NUDT6: variants seen among roughly 807,000 people sequenced by gnomAD.
NUDT6 encodes the protein FAD diphosphatase NUDT6.
Under a neutral mutation model 36.8 loss-of-function variants are expected in NUDT6, and 24 were observed. That is an observed-to-expected ratio of 0.65 (90% CI 0.47 to 0.92). The LOEUF (loss-of-function observed/expected upper bound fraction) is 0.92, where lower values mean the gene tolerates loss of function less well. Among genes scored for constraint, NUDT6 ranks in the 40% least tolerant of loss-of-function variants. The probability of loss-of-function intolerance (pLI) is 0.00; values close to 1 mark genes in which losing one functional copy is unlikely to be tolerated. For missense variants in NUDT6, 388 were observed against 392.8 expected (o/e 0.99, Z 0.10); for synonymous variants, 163 against 157.0 (o/e 1.04, Z -0.29).
chr4:122,894,387 T>A (rs1311806434), intron 4 of NUDT6: 1 of 152,262 alleles, frequency 6.6e-6, no homozygotes, highest in Non-Finnish European at 1.5e-5. Flanking sequence ...GCCCAGGAGT[T>A]CAAGACCAAC....
intron 3 of NUDT6, among the ~76,000 whole-genome samples, chr4:122,906,571 C>A (rs1037482623): frequency 2.6e-5 from 4 of 152,110 alleles, no homozygotes; most frequent in African/African-American, 7.2e-5. Context: ...CCTAGTAAGA[C>A]ATCTAGGTGC....
chr4:122,913,354 A>G (rs1385667126), intron 2 of NUDT6: 1 of 152,176 alleles, frequency 6.6e-6, no homozygotes, highest in Non-Finnish European at 1.5e-5. Context: ...TCATAAGGAC[A>G]CTAATCCCAT....
At position 122,916,368 on chromosome 4, in the gene NUDT6, G is replaced by A. The variant is rs551537639; in HGVS notation, c.442+1133C>T. Among the ~76,000 whole-genome samples, 23 of 152,226 alleles carry A rather than the reference G, an allele frequency of 1.5e-4. No homozygotes were observed. In the East Asian group the frequency reaches 2.5e-3, roughly 17 times the overall value. On this transcript the variant is annotated intron_variant, in intron 2 of 4. Transcript: ENST00000304430. Reference sequence around the variant, plus strand: ...ATTCTACTCTACACTTAAATTACACGATTTTAAACAACTGTTTGGCACAAT... The same window carrying A: ...ATTCTACTCTACACTTAAATTACACAATTTTAAACAACTGTTTGGCACAAT...
At position 122,904,015 on chromosome 4, in the gene NUDT6, C is replaced by T. The variant is rs537034729; in HGVS notation, c.499-6337G>A. 3.3e-5 allele frequency among the ~76,000 whole-genome samples: 5 copies of T among 152,274 alleles called. No individual in the cohort carries two copies. The South Asian group carries it at 1.0e-3, about 32-fold the overall frequency. On this transcript the variant is annotated intron_variant, in intron 3 of 4. Coordinates refer to ENST00000304430, the MANE Select transcript of NUDT6 (RefSeq NM_007083.5). ...ACCCACCAGAATGGCATAATGATGACTCTAAACTGAAGATATTTAAGATAC... is the reference window on the plus strand; with the variant it reads ...ACCCACCAGAATGGCATAATGATGATTCTAAACTGAAGATATTTAAGATAC...
chr4:122,897,440 T>A, intron 4 of NUDT6, 184 bp downstream of exon 4: 1 of 612,768 alleles, frequency 1.6e-6, no homozygotes, highest in Non-Finnish European at 2.9e-6. Context: ...ACTAATGGAA[T>A]AAACTGTAAT....
intron 3 of NUDT6, among the ~76,000 whole-genome samples, chr4:122,898,918 C>T (rs973203722): frequency 1.3e-5 from 2 of 152,056 alleles, no homozygotes; most frequent in African/African-American, 4.8e-5. Context: ...TCTCATTCTG[C>T]TGGCCAGCCT....
Position 122,922,397 on chromosome 4 carries a change from C to T in NUDT6, c.176G>A (p.Arg59His), listed in dbSNP as rs558322912. ...GTCCAGCGCATCGAGCCGCGCCAGG[C>T]GCACCGAGATGCCCCCGAATCTGTC... is the stretch of plus-strand genomic sequence containing the variant. ...ELDRFGGISV[R>H]LARLDALDRL... Residue 59 changes from arginine to histidine, a missense_variant, in exon 1 of 5, where the codon CGC becomes CAC. Physicochemically the swap from Arg to His is conservative, Grantham distance 29. Coordinates refer to ENST00000304430, the MANE Select transcript of NUDT6 (RefSeq NM_007083.5). The T allele has an allele frequency of 6.2e-7, 1 of 1,609,440 alleles. No individual in the cohort carries two copies.
At chr4:122,920,199 T>C (rs1266720316) in intron 1 of NUDT6, 1 of 152,206 alleles carries the variant, frequency 6.6e-6, no homozygotes, top group East Asian at 1.9e-4. Flanking sequence ...TTATAGGCAC[T>C]ACCATTCAGT....
intron 3 of NUDT6, 124 bp from the exon 4 acceptor site, chr4:122,897,802 G>T: frequency 1.5e-6 from 1 of 686,200 alleles, no homozygotes; most frequent in Non-Finnish European, 2.6e-6. Context: ...GTAATTGCAT[G>T]CAAAATTTTT....
chr4:122,900,269 A>C (rs1216088786), intron 3 of NUDT6, among the ~76,000 whole-genome samples: 1 of 151,084 alleles, frequency 6.6e-6, no homozygotes, highest in African/African-American at 2.5e-5. Flanking sequence ...TCTTTCTACA[A>C]TTTTTGCCAC....
chr4:122,907,607 C>G (rs190168239), intron 3 of NUDT6, among the ~76,000 whole-genome samples: 4 of 151,972 alleles, frequency 2.6e-5, no homozygotes, highest in Middle Eastern at 3.4e-3. Context: ...CCCACCACCA[C>G]GCCCGGCTAA....
At chr4:122,895,442 T>G (rs1196971271) in intron 4 of NUDT6, 1 of 152,204 alleles carries the variant, frequency 6.6e-6, no homozygotes, top group Non-Finnish European at 1.5e-5. Flanking sequence ...AGAATTAGAT[T>G]GAAATAAAAT....
At chr4:122,902,418 T>C (rs765148691) in intron 3 of NUDT6, among the ~76,000 whole-genome samples, 36 of 152,206 alleles carry the variant, frequency 2.4e-4, no homozygotes, top group Non-Finnish European at 4.1e-4. Context: ...GCTCCATATG[T>C]AGAAACTTTG....
At chr4:122,899,578 G>A (rs1727467961) in intron 3 of NUDT6, among the ~76,000 whole-genome samples, 1 of 152,166 alleles carries the variant, frequency 6.6e-6, no homozygotes. Context: ...GATATGATCA[G>A]TAGTGAGATG....
chr4:122,922,787 C>T (rs1244070428), upstream of NUDT6: 3 of 581,022 alleles, frequency 5.2e-6, no homozygotes, highest in African/African-American at 5.7e-5. Flanking sequence ...ACCTCCTCCC[C>T]CACCGCCACT....
intron 3 of NUDT6, among the ~76,000 whole-genome samples, chr4:122,900,051 C>T (rs990594231): frequency 6.2e-5 from 6 of 96,556 alleles, no homozygotes; most frequent in African/African-American, 1.5e-4. Context: ...GTCATGCACC[C>T]CCGCCACCCC....
intron 1 of NUDT6, chr4:122,920,647 C>G (rs906940380): frequency 3.9e-5 from 6 of 152,192 alleles, no homozygotes; most frequent in African/African-American, 1.4e-4. Context: ...CCAAATCGCA[C>G]AGCTTTCTGC....
Position 122,922,354 on chromosome 4 carries a change from G to A in NUDT6, c.219C>T (p.Ala73=), listed in dbSNP as rs368718724. The stretch of plus-strand genomic sequence containing the variant: ...ACTTGCCCTGCAAGCCCTTCTGGAA[G>A]GCGGCAGCGTCCAGGCGGTCCAGCG... ...LDALDRLDAA[A]FQKGLQAAVQ... The change falls in exon 1 of 5, where the codon GCC becomes GCT. Residue 73 remains alanine, a synonymous_variant. Transcript: ENST00000304430. 1.7e-5 allele frequency: 27 copies of A among 1,602,536 alleles called. No homozygotes were observed. The highest frequency in any genetic ancestry group is 6.7e-5 in the East Asian group (3 of 44,802).
chr4:122,921,216 C>T (rs1028392141), intron 1 of NUDT6: 10 of 152,222 alleles, frequency 6.6e-5, no homozygotes, highest in African/African-American at 2.2e-4. Flanking sequence ...AACTCCAGTT[C>T]TCGCTGAGAC....
Sources: allele counts gnomAD v4.1 joint callset (sites outside exome capture counted in the v4.1 genomes callset), GRCh38; gene constraint gnomAD v4.1.1; transcripts MANE v1.5; gene names NCBI Gene and HGNC (gene_info 2026-07-23, HGNC 2026-07-21).